Variants in ME3 observed in about 807,000 individuals in gnomAD.
The protein encoded by ME3 is NADP-dependent malic enzyme, mitochondrial.
A neutral mutation model predicts 68.9 loss-of-function variants in ME3; 48 were observed. The ratio of observed to expected loss-of-function variants is 0.70; its 90% CI spans 0.55 to 0.89. The LOEUF (loss-of-function observed/expected upper bound fraction) is 0.89. ME3 is among the 40% of genes least tolerant of loss of function. The pLI is 0.00. For synonymous variants in ME3, 320 were observed against 318.8 expected (o/e 1.00, Z -0.04); for missense variants, 675 against 797.4 (o/e 0.85, Z 1.85).
At chr11:86,436,474 C>G (rs981821884), downstream of ME3, 3 of 150,908 alleles carry the variant, frequency 2.0e-5, no homozygotes, top group Non-Finnish European at 3.0e-5. Context: ...TTTTCCCTCC[C>G]AAAAAAAAGT....
intron 2 of ME3, among the ~76,000 whole-genome samples, chr11:86,560,734 G>GTATATATATATA (rs1957173032): frequency 3.7e-5 from 2 of 54,100 alleles, no homozygotes; most frequent in Non-Finnish European, 8.6e-5. Flanking sequence ...GTATGTGTGT[G>GTATATATATATA]TGTGTGTGTG....
intron 2 of ME3, among the ~76,000 whole-genome samples, chr11:86,646,520 C>A (rs1214260447): frequency 6.6e-6 from 1 of 152,006 alleles, no homozygotes; most frequent in Non-Finnish European, 1.5e-5. Flanking sequence ...TGAAAAGTAA[C>A]AAACAAAGCC....
intron 2 of ME3, among the ~76,000 whole-genome samples, chr11:86,614,869 T>C (rs1942844852): frequency 6.6e-6 from 1 of 152,332 alleles, no homozygotes; most frequent in South Asian, 2.1e-4. Context: ...ATTAAGAGCT[T>C]GGTACTCCCA....
intron 2 of ME3, among the ~76,000 whole-genome samples, chr11:86,639,443 C>A (rs1353942033): frequency 6.6e-6 from 1 of 152,072 alleles, no homozygotes; most frequent in Non-Finnish European, 1.5e-5. Context: ...ACATCTCCCC[C>A]ACACATTGCC....
intron 2 of ME3, chr11:86,622,674 T>G (rs879810714): frequency 6.6e-6 from 1 of 152,070 alleles, no homozygotes; most frequent in Non-Finnish European, 1.5e-5. Context: ...CTCTTTCTCC[T>G]GTGTATATTT....
At chr11:86,542,073 G>A (rs1352156352) in intron 4 of ME3, among the ~76,000 whole-genome samples, 5 of 152,184 alleles carry the variant, frequency 3.3e-5, no homozygotes, top group Non-Finnish European at 5.9e-5. Context: ...CTGACTGTTA[G>A]AAGGAAAACT....
intron 2 of ME3, among the ~76,000 whole-genome samples, chr11:86,624,953 T>C (rs539811567): frequency 6.6e-6 from 1 of 152,236 alleles, no homozygotes; most frequent in Admixed American, 6.5e-5. Flanking sequence ...TGTAGAGAGA[T>C]GAGACCAGAG....
chr11:86,516,134 A>G (rs559287221), intron 4 of ME3, among the ~76,000 whole-genome samples: 1 of 152,318 alleles, frequency 6.6e-6, no homozygotes, highest in Non-Finnish European at 1.5e-5. Flanking sequence ...ATAGCCATTA[A>G]CTGGAACAGG....
intron 13 of ME3, 41 bp downstream of exon 13, chr11:86,446,273 G>A: frequency 6.2e-7 from 1 of 1,607,180 alleles, no homozygotes; most frequent in Admixed American, 1.7e-5. Context: ...TCAACCCACA[G>A]ACCCTACTGC....
At chr11:86,463,680 G>A (rs939342703) in intron 8 of ME3, among the ~76,000 whole-genome samples, 2 of 152,322 alleles carry the variant, frequency 1.3e-5, no homozygotes, top group African/African-American at 4.8e-5. Flanking sequence ...TTTTCTAATA[G>A]TGTGTTCTAA....
chr11:86,506,544 T>A (rs1953088174), intron 5 of ME3, among the ~76,000 whole-genome samples: 1 of 152,224 alleles, frequency 6.6e-6, no homozygotes, highest in Middle Eastern at 3.4e-3. Flanking sequence ...CTGTGTCAGG[T>A]TGGAGGAAAG....
chr11:86,492,622 T>A (rs1427479296), intron 6 of ME3, among the ~76,000 whole-genome samples: 2 of 152,212 alleles, frequency 1.3e-5, no homozygotes, highest in African/African-American at 4.8e-5. Flanking sequence ...AGTAAGTCAA[T>A]GATTATAATT....
At chr11:86,524,316 AAT>A (rs1300218631) in intron 4 of ME3, among the ~76,000 whole-genome samples, 1 of 152,244 alleles carries the variant, frequency 6.6e-6, no homozygotes, top group Non-Finnish European at 1.5e-5. Context: ...AGGCGCAGCC[AAT>A]GAGTCATTTA....
intron 4 of ME3, among the ~76,000 whole-genome samples, chr11:86,555,575 T>A (rs1956885737): frequency 6.6e-6 from 1 of 152,168 alleles, no homozygotes; most frequent in Non-Finnish European, 1.5e-5. Context: ...ACCATCAGGA[T>A]GAGGTTTGAT....
intron 2 of ME3, among the ~76,000 whole-genome samples, chr11:86,603,050 T>C (rs963771889): frequency 1.3e-5 from 2 of 152,210 alleles, no homozygotes; most frequent in Non-Finnish European, 2.9e-5. Flanking sequence ...AAGGACTTCA[T>C]GTCTAAAACA....
chr11:86,597,543 C>T (rs1443041708), intron 2 of ME3, among the ~76,000 whole-genome samples: 3 of 152,204 alleles, frequency 2.0e-5, no homozygotes, highest in Non-Finnish European at 4.4e-5. Flanking sequence ...CCACCTCACC[C>T]CACCTCTGTG....
chr11:86,655,815 T>C (rs960521571), intron 2 of ME3, among the ~76,000 whole-genome samples: 1 of 151,778 alleles, frequency 6.6e-6, no homozygotes, highest in African/African-American at 2.4e-5. Context: ...ACAGGCAACC[T>C]ACAAAATGGG....
At chr11:86,467,043 A>G (rs1349287884) in intron 7 of ME3, among the ~76,000 whole-genome samples, 4 of 152,202 alleles carry the variant, frequency 2.6e-5, no homozygotes, top group Non-Finnish European at 5.9e-5. Flanking sequence ...CATAATTGAC[A>G]AATACAAATT....
At chr11:86,540,075 A>G (rs116438194) in intron 4 of ME3, among the ~76,000 whole-genome samples, 1,849 of 152,290 alleles carry the variant, frequency 0.012, 47 homozygotes, top group African/African-American at 0.042. Flanking sequence ...GAGCTAGGGA[A>G]TCTGGAAGTG....
Sources: allele counts gnomAD v4.1 joint callset (sites outside exome capture counted in the v4.1 genomes callset), GRCh38; gene constraint gnomAD v4.1.1; transcripts MANE v1.5; gene names NCBI Gene and HGNC (gene_info 2026-07-23, HGNC 2026-07-21).